DNAH6: variants seen among roughly 807,000 people sequenced by gnomAD.
DNAH6 encodes the protein dynein axonemal heavy chain 6.
A neutral mutation model predicts 491.4 loss-of-function variants in DNAH6; 340 were observed. That is an observed-to-expected ratio of 0.69 (90% CI 0.63 to 0.76). DNAH6 has a LOEUF of 0.76. Ranked by LOEUF, DNAH6 falls within the 30% of genes least tolerant of loss-of-function variation. The pLI is 0.00. For missense variants in DNAH6, 4,443 were observed against 4,972.2 expected (o/e 0.89, Z 3.20); for synonymous variants, 1,603 against 1,686.1 (o/e 0.95, Z 1.21).
intron 45 of DNAH6, among the ~76,000 whole-genome samples, chr2:84,690,483 C>G (rs1573497180): frequency 6.6e-6 from 1 of 152,160 alleles, no homozygotes; most frequent in African/African-American, 2.4e-5. Context: ...AAAATAATGG[C>G]AGCATTTTGG....
intron 9 of DNAH6, among the ~76,000 whole-genome samples, chr2:84,550,568 A>G (rs1004888677): frequency 5.9e-5 from 9 of 152,170 alleles, no homozygotes; most frequent in African/African-American, 2.2e-4. Context: ...GCATATCAAC[A>G]AGTATCTAAT....
At chr2:84,754,733 T>C (rs1673829382) in intron 63 of DNAH6, among the ~76,000 whole-genome samples, 1 of 152,226 alleles carries the variant, frequency 6.6e-6, no homozygotes, top group African/African-American at 2.4e-5. Flanking sequence ...TCCAACTTTG[T>C]TTTCCTTTTT....
At chr2:84,793,138 A>G (rs1321850056) in intron 68 of DNAH6, among the ~76,000 whole-genome samples, 2 of 152,194 alleles carry the variant, frequency 1.3e-5, no homozygotes, top group African/African-American at 4.8e-5. Context: ...TACCCACAGG[A>G]ACCATGATGC....
chr2:84,508,632 T>C, the DNAH6 span, among the ~76,000 whole-genome samples: 2 of 152,226 alleles, frequency 1.3e-5, no homozygotes, highest in Admixed American at 1.3e-4. Flanking sequence ...TTGCTCTTGC[T>C]TCTCTAGTTC....
rs1389476475 is a variant in DNAH6, at chr2:84,659,012, CTTTA to C, written c.5941-11_5941-8del. 4 of 1,348,518 alleles carry C rather than the reference CTTTA, an allele frequency of 3.0e-6. No homozygotes were observed. The highest frequency in any genetic ancestry group is 4.0e-6 in the Non-Finnish European group (4 of 988,218). 83.5% of individuals were successfully genotyped at this position (1,348,518 alleles called of 1,614,324 possible). A position where few individuals can be genotyped will look rare whatever the true frequency, so the allele number is the denominator to read the frequency against. ...TATATAAAATATTAAGTCTGTTTCT[CTTTA>C]TTCTTTCAGGAACAAACAAAATTGA... On this transcript the variant is annotated splice_polypyrimidine_tract_variant and intron_variant, in intron 36 of 76. Coordinates refer to ENST00000389394, the MANE Select transcript of DNAH6 (RefSeq NM_001370.2).
intron 63 of DNAH6, 135 bp downstream of exon 63, chr2:84,745,384 GGCCGAGCGCCGTGGCTCAC>G (rs1672866781): frequency 1.5e-6 from 1 of 673,904 alleles, no homozygotes; most frequent in South Asian, 3.3e-5. Context: ...ATGAAACATG[GGCCGAGCGCCGTGGCTCAC>G]GCCTGTAATC....
intron 63 of DNAH6, among the ~76,000 whole-genome samples, chr2:84,753,584 C>T (rs1249259308): frequency 1.3e-5 from 2 of 151,338 alleles, no homozygotes. Context: ...ATGGAGAAAC[C>T]CCGTCTCTAC....
intron 22 of DNAH6, among the ~76,000 whole-genome samples, chr2:84,612,264 T>TA (rs1188799108): frequency 6.7e-6 from 1 of 149,804 alleles, no homozygotes; most frequent in African/African-American, 2.5e-5. Flanking sequence ...GTCCACACCT[T>TA]ATTTTTAATG....
intron 58 of DNAH6, among the ~76,000 whole-genome samples, chr2:84,716,079 A>ATG (rs1173974936): frequency 1.3e-5 from 2 of 151,362 alleles, no homozygotes; most frequent in Non-Finnish European, 2.9e-5. Flanking sequence ...CTTCAAATAT[A>ATG]TGTGTGTGTA....
chr2:84,481,233 A>G, the DNAH6 span, among the ~76,000 whole-genome samples: 9 of 152,208 alleles, frequency 5.9e-5, no homozygotes, highest in African/African-American at 2.2e-4. Flanking sequence ...CCAAAGCCTT[A>G]CACTAACCCC....
chr2:84,706,540 G>A (rs768808905), intron 52 of DNAH6, among the ~76,000 whole-genome samples: 12 of 152,156 alleles, frequency 7.9e-5, no homozygotes, highest in Non-Finnish European at 1.2e-4. Flanking sequence ...GACCTCTGAT[G>A]TGGAGAACTA....
At chr2:84,759,165 T>G (rs1674333288) in intron 63 of DNAH6, among the ~76,000 whole-genome samples, 1 of 151,518 alleles carries the variant, frequency 6.6e-6, no homozygotes, top group African/African-American at 2.4e-5. Flanking sequence ...ATGATCTAGC[T>G]GAGAATGAAA....
At chr2:84,729,350 C>T (rs918578796) in intron 61 of DNAH6, among the ~76,000 whole-genome samples, 1 of 152,208 alleles carries the variant, frequency 6.6e-6, no homozygotes, top group Admixed American at 6.5e-5. Flanking sequence ...GATTTGAACA[C>T]TTGCAGTCTG....
intron 29 of DNAH6, among the ~76,000 whole-genome samples, chr2:84,628,843 G>A (rs6752751): frequency 0.18 from 27,167 of 152,078 alleles, 4,537 homozygotes; most frequent in African/African-American, 0.44. Context: ...AAAAAGATAT[G>A]AAGAATAAAA....
intron 37 of DNAH6, among the ~76,000 whole-genome samples, chr2:84,660,767 C>T (rs149993074): frequency 6.2e-4 from 94 of 152,122 alleles, no homozygotes; most frequent in African/African-American, 2.2e-3. Flanking sequence ...ATGTATAACT[C>T]GATTCTAATC....
intron 63 of DNAH6, among the ~76,000 whole-genome samples, chr2:84,754,890 C>A (rs1249417932): frequency 2.0e-5 from 3 of 152,206 alleles, no homozygotes; most frequent in Non-Finnish European, 2.9e-5. Flanking sequence ...TACCTCTTAA[C>A]AACATTAAGT....
At chr2:84,734,741 T>C (rs1364958359) in intron 62 of DNAH6, among the ~76,000 whole-genome samples, 5 of 152,216 alleles carry the variant, frequency 3.3e-5, no homozygotes, top group African/African-American at 1.2e-4. Flanking sequence ...AATTTCCCTT[T>C]GTAATTTTAG....
chr2:84,670,610 G>A (rs1692638582), intron 39 of DNAH6, 135 bp downstream of exon 39: 1 of 693,322 alleles, frequency 1.4e-6, no homozygotes, highest in Non-Finnish European at 2.3e-6. Context: ...TTCTGTTCAT[G>A]GCATTTTTAT....
Position 84,607,041 on chromosome 2 carries a change from G to A in DNAH6, c.3240G>A (p.Leu1080=). ...TLASSRYLGP[L]KTRVDEWQKQ... ...CCTCATCACGTTACCTTGGTCCACTGAAAACTCGAGTGGATGAATGGCAAA... is the reference window on the plus strand; with the variant it reads ...CCTCATCACGTTACCTTGGTCCACTAAAAACTCGAGTGGATGAATGGCAAA... Residue 1080 remains leucine (L), a synonymous_variant, in exon 21 of 77, where the codon CTG becomes CTA. Transcript: ENST00000389394. 6.4e-7 allele frequency: 1 copy of A among 1,551,362 alleles called. No homozygotes were observed. The highest frequency in any genetic ancestry group is 1.2e-5 in the South Asian group (1 of 84,036).
Sources: gnomAD v4.1 joint callset for allele counts (sites outside exome capture counted in the v4.1 genomes callset) on GRCh38, gnomAD v4.1.1 for gene constraint, MANE v1.5 for transcripts, NCBI Gene and HGNC (gene_info 2026-07-23, HGNC 2026-07-21) for gene names.